NLK: variants seen among roughly 807,000 people sequenced by gnomAD.
NLK encodes serine/threonine-protein kinase NLK.
A neutral mutation model predicts 59.0 loss-of-function variants in NLK; 11 were observed. That is an observed-to-expected ratio of 0.19 (90% CI 0.12 to 0.31). The LOEUF (loss-of-function observed/expected upper bound fraction) is 0.31. Among genes scored for constraint, NLK ranks in the 10% least tolerant of loss-of-function variants. The pLI is 1.00. For synonymous variants in NLK, 235 were observed against 235.9 expected (o/e 1.00, Z 0.03); for missense variants, 410 against 661.1 (o/e 0.62, Z 4.16).
intron 1 of NLK, among the ~76,000 whole-genome samples, chr17:28,090,987 G>C (rs1904471676): frequency 6.6e-6 from 1 of 151,868 alleles, no homozygotes; most frequent in Non-Finnish European, 1.5e-5. Flanking sequence ...GAGTTTCTTG[G>C]ATCTGTGGGC....
At chr17:28,045,745 A>G (rs1172650660) in intron 1 of NLK, among the ~76,000 whole-genome samples, 2 of 152,234 alleles carry the variant, frequency 1.3e-5, no homozygotes, top group East Asian at 3.8e-4. Flanking sequence ...TTTGAAAACC[A>G]AACTACCGGG....
intron 1 of NLK, among the ~76,000 whole-genome samples, chr17:28,110,400 T>C (rs1905413692): frequency 6.6e-6 from 1 of 152,006 alleles, no homozygotes; most frequent in African/African-American, 2.4e-5. Flanking sequence ...TTGCTATTTT[T>C]AGAGTTTTTC....
At chr17:28,122,882 C>A in intron 2 of NLK, 150 bp downstream of exon 2, 1 of 775,008 alleles carries the variant, frequency 1.3e-6, no homozygotes, top group Non-Finnish European at 2.1e-6. Flanking sequence ...AATAAGCGCA[C>A]CAGTGAGGTT....
rs1908898844 is a variant in NLK, at chr17:28,042,841, G to A, written c.-33G>A. On this transcript the variant is annotated 5_prime_UTR_variant, in exon 1 of 11. Coordinates refer to ENST00000407008, the MANE Select transcript of NLK (RefSeq NM_016231.5). ...AATGGCCAAATGACAGCTTGACCCA[G>A]TTTGCTTTCCAATCAAAGGGCATTT... The A allele has an allele frequency of 6.8e-7, 1 of 1,467,440 alleles. No individual in the cohort carries two copies. Among genetic ancestry groups the A allele is most frequent in the African/African-American group, 1.4e-5 (1 of 70,774 alleles). 90.9% of individuals were successfully genotyped at this position (1,467,440 alleles called of 1,614,324 possible).
intron 10 of NLK, 39 bp from the exon 11 acceptor site, chr17:28,194,543 G>A: frequency 1.3e-6 from 2 of 1,501,612 alleles, no homozygotes; most frequent in East Asian, 2.3e-5. Flanking sequence ...TGTCCATTGT[G>A]ACATTACAAC....
intron 1 of NLK, among the ~76,000 whole-genome samples, chr17:28,078,777 T>C (rs567470701): frequency 2.2e-4 from 34 of 152,190 alleles, no homozygotes; most frequent in African/African-American, 8.2e-4. Flanking sequence ...ATAGCACCCA[T>C]TCTCTCAATT....
intron 1 of NLK, among the ~76,000 whole-genome samples, chr17:28,090,678 G>A (rs188593308): frequency 2.2e-4 from 34 of 152,136 alleles, no homozygotes; most frequent in Non-Finnish European, 4.1e-4. Context: ...GTGGGAGCTT[G>A]TTAAAAACAT....
chr17:28,115,461 A>G (rs1305514641), intron 1 of NLK, among the ~76,000 whole-genome samples: 1 of 152,208 alleles, frequency 6.6e-6, no homozygotes, highest in Non-Finnish European at 1.5e-5. Context: ...TCAAGTGTTC[A>G]TATAGGCGAC....
intron 8 of NLK, 164 bp from the exon 9 acceptor site, chr17:28,190,857 C>G (rs1334987886): frequency 9.4e-6 from 5 of 533,132 alleles, no homozygotes; most frequent in Non-Finnish European, 1.6e-5. Context: ...ACTCCCTCTG[C>G]TGCTATGTTA....
intron 3 of NLK, among the ~76,000 whole-genome samples, chr17:28,154,565 C>T (rs1597713724): frequency 6.6e-6 from 1 of 151,990 alleles, no homozygotes; most frequent in African/African-American, 2.4e-5. Context: ...GACTTAACTC[C>T]TGACATATTA....
chr17:28,050,608 A>ATT (rs901981195), intron 1 of NLK, among the ~76,000 whole-genome samples: 1 of 148,636 alleles, frequency 6.7e-6, no homozygotes, highest in Non-Finnish European at 1.5e-5. Flanking sequence ...GTCAGATTTA[A>ATT]TTTTTTTTTT....
chr17:28,058,157 C>T (rs1909505924), intron 1 of NLK, among the ~76,000 whole-genome samples: 1 of 152,160 alleles, frequency 6.6e-6, no homozygotes, highest in South Asian at 2.1e-4. Context: ...ATCTAAATGG[C>T]TTGTGACAGT....
At chr17:28,156,550 AAC>A (rs1395864157) in intron 3 of NLK, among the ~76,000 whole-genome samples, 2 of 152,122 alleles carry the variant, frequency 1.3e-5, no homozygotes, top group Non-Finnish European at 2.9e-5. Context: ...TTCACCCCGC[AAC>A]ACACACTTTT....
intron 1 of NLK, among the ~76,000 whole-genome samples, chr17:28,055,128 C>G (rs1211695653): frequency 3.5e-5 from 5 of 141,888 alleles, no homozygotes; most frequent in Non-Finnish European, 7.5e-5. Context: ...GATTCTCGCT[C>G]TGTCACCAGG....
At chr17:28,169,778 G>A (rs1048686096) in intron 6 of NLK, among the ~76,000 whole-genome samples, 1 of 144,368 alleles carries the variant, frequency 6.9e-6, no homozygotes, top group Non-Finnish European at 1.5e-5. Context: ...GTACAATGAA[G>A]TAGGAAAGCT....
chr17:28,118,205 TTTAG>T (rs1414270843), intron 1 of NLK, among the ~76,000 whole-genome samples: 1 of 151,782 alleles, frequency 6.6e-6, no homozygotes, highest in African/African-American at 2.4e-5. Flanking sequence ...ATATTTAGAG[TTTAG>T]TTAGGAGGTT....
intron 1 of NLK, among the ~76,000 whole-genome samples, chr17:28,087,926 G>A (rs1904341577): frequency 6.6e-6 from 1 of 152,276 alleles, no homozygotes; most frequent in East Asian, 1.9e-4. Flanking sequence ...TTAATATGGT[G>A]AATGAGGTCA....
At chr17:28,043,476 T>C (rs1476237250) in intron 1 of NLK, 145 bp downstream of exon 1, 11 of 714,434 alleles carry the variant, frequency 1.5e-5, no homozygotes, top group Non-Finnish European at 2.3e-5. Context: ...CTCACTTATG[T>C]GGTAAAGAGG....
intron 8 of NLK, among the ~76,000 whole-genome samples, chr17:28,189,250 T>G (rs1354531138): frequency 6.6e-6 from 1 of 152,174 alleles, no homozygotes; most frequent in African/African-American, 2.4e-5. Context: ...GCAGGCCAGA[T>G]GCACCAATGA....
Sources: gnomAD v4.1 joint callset for allele counts (sites outside exome capture counted in the v4.1 genomes callset) on GRCh38, gnomAD v4.1.1 for gene constraint, MANE v1.5 for transcripts, NCBI Gene and HGNC (gene_info 2026-07-23, HGNC 2026-07-21) for gene names.